The following AKAP9 variants were observed in gnomAD, a reference collection of about 807,000 sequenced individuals.
AKAP9 encodes A-kinase anchoring protein 9.
Under a neutral mutation model 488.5 loss-of-function variants are expected in AKAP9, and 311 were observed. The ratio of observed to expected loss-of-function variants is 0.64; its 90% confidence interval spans 0.58 to 0.70. The LOEUF (loss-of-function observed/expected upper bound fraction) is 0.70. AKAP9 is among the 30% of genes least tolerant of loss of function. AKAP9 has a pLI of 0.00. For synonymous variants in AKAP9, 1,462 were observed against 1,483.5 expected, an observed-to-expected ratio of 0.99 and a Z score of 0.33; for missense variants, 4,215 against 4,374.5, an observed-to-expected ratio of 0.96 and a Z score of 1.03.
chr7:92,066,751 A>G (rs1810834078), intron 26 of AKAP9, among the ~76,000 whole-genome samples: 1 of 152,184 alleles, frequency 6.6e-6, no homozygotes, highest in African/African-American at 2.4e-5. Context: ...CCATCTGCAT[A>G]TGTCTTCTAG....
chr7:92,062,339 A>G lies in AKAP9; in HGVS notation c.5830A>G (p.Ile1944Val), dbSNP rs587780849. The G allele has an allele frequency of 3.7e-6, 6 of 1,613,792 alleles. No homozygotes were observed. The highest frequency in any genetic ancestry group is 4.2e-6 in the Non-Finnish European group (5 of 1,179,820). ...AAGGCAAATTCAGGAAAAAACTGATATAATAGATCGTCTTGAGCAGGAGTT... is the reference window on the plus strand; with the variant it reads ...AAGGCAAATTCAGGAAAAAACTGATGTAATAGATCGTCTTGAGCAGGAGTT... ...FERQIQEKTD[I>V]IDRLEQELLC... The change falls in exon 24 of 50, where the codon ATA (isoleucine) becomes GTA (valine). Residue 1944 changes from isoleucine (I) to valine (V), a missense_variant. Ile to Val is a conservative substitution (Grantham distance 29). Around this residue, in one of 5 missense-constraint regions of AKAP9, gnomAD observed 2,361 missense variants for 2,430.0 expected, o/e 0.97. Coordinates refer to ENST00000356239, the MANE Select transcript of AKAP9 (RefSeq NM_005751.5).
At chr7:92,026,590 CT>C (rs1434888634) in intron 14 of AKAP9, among the ~76,000 whole-genome samples, 1 of 152,224 alleles carries the variant, frequency 6.6e-6, no homozygotes, top group Non-Finnish European at 1.5e-5. Flanking sequence ...CCGCCTCGGC[CT>C]CCCGAGGTGC....
intron 17 of AKAP9, among the ~76,000 whole-genome samples, chr7:92,039,106 A>G (rs560240914): frequency 2.0e-5 from 3 of 152,094 alleles, no homozygotes; most frequent in African/African-American, 4.8e-5. Flanking sequence ...GGATTTTACC[A>G]TGTTGGACAG....
chr7:92,003,378 A>G (rs1187664759), intron 8 of AKAP9, 143 bp downstream of exon 8: 4 of 664,438 alleles, frequency 6.0e-6, no homozygotes, highest in South Asian at 2.2e-5. Context: ...ACTTGAGCCT[A>G]TCATTTATTT....
chr7:91,980,494 A>AATTT (rs1376590752), intron 3 of AKAP9, among the ~76,000 whole-genome samples, 161 bp downstream of exon 3: 1 of 2,706 alleles, frequency 3.7e-4, no homozygotes, highest in Non-Finnish European at 7.5e-4. Context: ...TGTATTACTG[A>AATTT]CTTTTTTTTT....
At chr7:92,058,373 A>C (rs368319939) in intron 22 of AKAP9, 11 of 560,216 alleles carry the variant, frequency 2.0e-5, no homozygotes, top group African/African-American at 1.7e-4. Context: ...GCATATATTA[A>C]AGCTTATTTC....
Position 92,038,685 on chromosome 7 carries a change from C to T in AKAP9, c.4605C>T (p.Pro1535=), listed in dbSNP as rs1357713896. 1 of 1,607,428 alleles carries T rather than the reference C, an allele frequency of 6.2e-7. No homozygotes were observed. The highest frequency in any genetic ancestry group is 1.7e-5 in the Admixed American group (1 of 58,948). The change falls in exon 17 of 50, where the codon CCC becomes CCT. Residue 1535 remains proline (P), a synonymous_variant. Transcript: ENST00000356239. ...GKEILLSNSD[P]HDIPESKDCV... ...AAATTTTATTATCAAATAGTGATCC[C>T]CATGATATACCAGAATCAAAGGACT...
intron 46 of AKAP9, among the ~76,000 whole-genome samples, chr7:92,103,048 A>G (rs1240007892): frequency 6.6e-6 from 1 of 152,124 alleles, no homozygotes; most frequent in Non-Finnish European, 1.5e-5. Flanking sequence ...TCCTAGGTCC[A>G]GGCAGCTGGT....
At chr7:91,998,468 A>G (rs1798704282) in intron 7 of AKAP9, among the ~76,000 whole-genome samples, 1 of 106,374 alleles carries the variant, frequency 9.4e-6, no homozygotes, top group South Asian at 3.2e-4. Flanking sequence ...AATTCAGAGT[A>G]AGTGGTTTAA....
chr7:92,094,568 C>T (rs986381799), intron 39 of AKAP9, among the ~76,000 whole-genome samples: 8 of 151,882 alleles, frequency 5.3e-5, no homozygotes, highest in African/African-American at 1.9e-4. Flanking sequence ...GGCGCGGTGG[C>T]TCATGCCTGT....
intron 32 of AKAP9, 99 bp from the exon 33 acceptor site, chr7:92,083,071 A>G: frequency 2.1e-6 from 3 of 1,397,244 alleles, no homozygotes; most frequent in Non-Finnish European, 2.9e-6. Context: ...AAATGAACGT[A>G]TAATCATGAA....
intron 22 of AKAP9, among the ~76,000 whole-genome samples, chr7:92,055,343 A>G (rs1358053747): frequency 6.6e-6 from 1 of 152,068 alleles, no homozygotes; most frequent in Non-Finnish European, 1.5e-5. Flanking sequence ...GCCTTCAAGT[A>G]TTGTCCCCAG....
rs750210219 is a variant in AKAP9 at position 92,042,727 on chromosome 7, C to G, written c.5118C>G (p.Asp1706Glu). ...EEQTFKEKEL[D>E]RKPEDVPPEI... is the part of the protein sequence containing the mutation. ...AAACATTTAAAGAAAAGGAATTAGA[C>G]AGAAAACCTGAAGATGTGCCTCCTG... Residue 1706 changes from aspartate (D) to glutamate (E), a missense_variant, in exon 20 of 50, where the codon GAC (aspartate) becomes GAG (glutamate). Asp to Glu is a conservative substitution (Grantham distance 45). Transcript: ENST00000356239. 1 of 1,611,962 alleles carries G rather than the reference C, an allele frequency of 6.2e-7. No individual in the cohort carries two copies. Among genetic ancestry groups the G allele is most frequent in the Non-Finnish European group, 8.5e-7 (1 of 1,178,636 alleles).
chr7:91,948,092 G>T (rs74863167), intron 1 of AKAP9, among the ~76,000 whole-genome samples: 1 of 152,182 alleles, frequency 6.6e-6, no homozygotes, highest in East Asian at 1.9e-4. Context: ...TGTTTTCAAG[G>T]TTCATCCATT....
intron 45 of AKAP9, among the ~76,000 whole-genome samples, chr7:92,102,109 T>C (rs897485760): frequency 7.3e-5 from 11 of 151,064 alleles, no homozygotes; most frequent in Non-Finnish European, 1.0e-4. Context: ...TGAGCCGAGA[T>C]CACGCCACTA....
chr7:92,012,353 T>A (rs1283397829), intron 8 of AKAP9, 76 bp from the exon 9 acceptor site: 2 of 1,333,030 alleles, frequency 1.5e-6, no homozygotes, highest in Non-Finnish European at 2.1e-6. Context: ...GTAGTCAGTA[T>A]ATGCAAAAAA....
chr7:91,971,001 CA>C (rs1333830785), intron 1 of AKAP9, among the ~76,000 whole-genome samples: 2 of 151,126 alleles, frequency 1.3e-5, no homozygotes, highest in East Asian at 1.9e-4. Flanking sequence ...GACATGGTAC[CA>C]AAAAAAAGAT....
At chr7:92,100,750 G>A in intron 44 of AKAP9, 106 bp from the exon 45 acceptor site, 1 of 1,291,376 alleles carries the variant, frequency 7.7e-7, no homozygotes, top group Non-Finnish European at 1.1e-6. Flanking sequence ...CTTTGTCTGG[G>A]TGGGGTTAGA....
Position 92,052,835 on chromosome 7 carries a change from G to A in AKAP9, c.5478G>A (p.Val1826=), listed in dbSNP as rs1808211243. 1 of 1,613,840 alleles carries A rather than the reference G, an allele frequency of 6.2e-7. No individual in the cohort carries two copies. Among genetic ancestry groups the A allele is most frequent in the Non-Finnish European group, 8.5e-7 (1 of 1,179,844 alleles). The part of the protein sequence containing the change: ...EEGTELSQRL[V]RSGFAGTEID... ...GAACAGAGCTGTCACAACGACTTGT[G>A]AGGAGTGGTTTTGCTGGAACTGAAA... is the stretch of plus-strand genomic sequence containing the variant. Residue 1826 remains valine (V), a synonymous_variant, in exon 22 of 50, where the codon GTG becomes GTA. Coordinates refer to ENST00000356239, the MANE Select transcript of AKAP9 (RefSeq NM_005751.5).
Sources: gnomAD v4.1 joint callset for allele counts (sites outside exome capture counted in the v4.1 genomes callset) on GRCh38, gnomAD v4.1.1 for gene constraint, gnomAD v4.1.1 regional missense constraint, MANE v1.5 for transcripts, NCBI Gene and HGNC (gene_info 2026-07-23, HGNC 2026-07-21) for gene names.